Variants in ONECUT1 observed in about 807,000 individuals in gnomAD.
ONECUT1 encodes hepatocyte nuclear factor 6.
In ONECUT1, 12 loss-of-function variants were observed where a neutral mutation model predicts 25.6. That is an observed-to-expected ratio of 0.47 (90% confidence interval 0.30 to 0.76). ONECUT1 has a LOEUF of 0.76. Among genes scored for constraint, ONECUT1 ranks in the 30% least tolerant of loss-of-function variants. The pLI is 0.07. For synonymous variants in ONECUT1, 285 were observed against 270.2 expected, an observed-to-expected ratio of 1.05 and a Z score of -0.54; for missense variants, 620 against 651.2, an observed-to-expected ratio of 0.95 and a Z score of 0.52.
Position 52,789,408 on chromosome 15 carries a change from G to A in ONECUT1, c.477C>T (p.Ala159=), listed in dbSNP as rs760030448. ...FTLMRDERGL[A]SMNNLYTPYH... ...AGGGGGTATAGAGGTTATTCATGGA[G>A]GCCAGCCCGCGCTCATCCCGCATGA... The change falls in exon 1 of 2, where the codon GCC becomes GCT. Residue 159 remains alanine, a synonymous_variant. Transcript: ENST00000305901. The surrounding 1 kb of genome is among the most constrained non-coding windows in gnomAD (Gnocchi z 4.1). 3 of 1,613,962 alleles carry A rather than the reference G, an allele frequency of 1.9e-6. No individual in the cohort carries two copies. In the South Asian group the frequency reaches 3.3e-5, roughly 18 times the overall value.
chr15:52,759,777 A>ATT (rs772253068), intron 1 of ONECUT1, among the ~76,000 whole-genome samples: 14,394 of 148,832 alleles, frequency 0.097, 1,246 homozygotes, highest in African/African-American at 0.24. Flanking sequence ...ATTTTTTTGA[A>ATT]TTTTTTTTTT....
chr15:52,767,485 C>T (rs953183493), intron 1 of ONECUT1, among the ~76,000 whole-genome samples: 6 of 152,148 alleles, frequency 3.9e-5, no homozygotes, highest in Non-Finnish European at 5.9e-5. Context: ...GTCATTCACG[C>T]GCATGTGCAC....
Position 52,757,424 on chromosome 15 carries a change from G to C in ONECUT1, c.*131C>G. 9.5e-7 allele frequency: 1 copy of C among 1,050,272 alleles called. No individual in the cohort carries two copies. Among genetic ancestry groups the C allele is most frequent in the Non-Finnish European group, 1.4e-6 (1 of 737,566 alleles). The allele number at this position is 1,050,272 out of a possible 1,614,324, so 65.1% of individuals were successfully genotyped here. ...GGTGAGCTAAGTCTTTGGTTTCTTT[G>C]GACTATAAATAACGCTTTTTTTTCT... On this transcript the variant is annotated 3_prime_UTR_variant, in exon 2 of 2. Coordinates refer to ENST00000305901, the MANE Select transcript of ONECUT1 (RefSeq NM_004498.4).
chr15:52,762,024 T>G (rs944670191), intron 1 of ONECUT1, among the ~76,000 whole-genome samples: 1 of 152,158 alleles, frequency 6.6e-6, no homozygotes, highest in Non-Finnish European at 1.5e-5. Context: ...AATATAGACT[T>G]GGAAGTCATT....
chr15:52,789,319 C>T lies in ONECUT1; in HGVS notation c.566G>A (p.Ser189Asn). 6.4e-7 allele frequency: 1 copy of T among 1,571,506 alleles called. No homozygotes were observed. The highest frequency in any genetic ancestry group is 8.6e-7 in the Non-Finnish European group (1 of 1,157,152). ...GAGCCCTTGCTGGGAGTTGTGGATG[C>T]TGCCCAGACCGGAGCTGGAGAGGGG... ...LSPLSSSGLGSIHNSQQGLPH... is the reference protein window; with the variant it reads ...LSPLSSSGLGNIHNSQQGLPH... The change falls in exon 1 of 2, where the codon AGC becomes AAC. Residue 189 changes from serine to asparagine, a missense_variant. This residue lies in a region of ONECUT1 where 440 missense variants were observed against 404.9 expected (regional missense o/e 1.09). Transcript: ENST00000305901. The surrounding 1 kb of genome is among the most constrained non-coding windows in gnomAD (Gnocchi z 4.1).
At chr15:52,777,733 C>CAAAAAAAAAAAAAAAAAAA (rs1402130601) in intron 1 of ONECUT1, among the ~76,000 whole-genome samples, 3 of 85,252 alleles carry the variant, frequency 3.5e-5, no homozygotes, top group African/African-American at 2.3e-4. Flanking sequence ...CACACACACA[C>CAAAAAAAAAAAAAAAAAAA]ACACAAAAAA....
chr15:52,788,756 C>A lies in ONECUT1; in HGVS notation c.1105+24G>T. On this transcript the variant is annotated intron_variant, in intron 1 of 1. Transcript: ENST00000305901. This position sits in a 1 kb window ranked among gnomAD's most constrained non-coding sequence, Gnocchi z 4.3. ...GCTTTCGTGTACCTTATCTCCCGCG[C>A]GCCCAGCTCCTTGGCCGGCTCACCT... 6.3e-7 allele frequency: 1 copy of A among 1,589,714 alleles called. No individual in the cohort carries two copies.
In ONECUT1 at chr15:52,789,120, G is replaced by A. The variant is rs547041805; in HGVS notation, c.765C>T (p.His255=). 2 of 1,601,028 alleles carry A rather than the reference G, an allele frequency of 1.2e-6. No individual in the cohort carries two copies. Among genetic ancestry groups the A allele is most frequent in the African/African-American group, 1.3e-5 (1 of 75,060 alleles). Residue 255 remains histidine (H), a synonymous_variant, in exon 1 of 2, where the codon CAC becomes CAT. Transcript: ENST00000305901. The surrounding 1 kb of genome is among the most constrained non-coding windows in gnomAD (Gnocchi z 4.1). Reference sequence around the variant, plus strand: ...GTTGCCCGTGGCCCTGGGCGTTCAGGTGGGCGTGGGGATGGTGCGGAGGAA... The same window carrying A: ...GTTGCCCGTGGCCCTGGGCGTTCAGATGGGCGTGGGGATGGTGCGGAGGAA... The part of the protein sequence containing the change: ...NGLPPHHPHA[H]LNAQGHGQLL...
intron 1 of ONECUT1, among the ~76,000 whole-genome samples, chr15:52,760,366 G>A (rs1312584418): frequency 6.6e-6 from 1 of 152,142 alleles, no homozygotes; most frequent in Non-Finnish European, 1.5e-5. Flanking sequence ...GTCAGCCCGT[G>A]TGGACACAGC....
intron 1 of ONECUT1, chr15:52,780,470 G>T: frequency 1.1e-6 from 1 of 942,708 alleles, no homozygotes. Context: ...TGAGTCCTTA[G>T]TTAACCGCAT....
intron 1 of ONECUT1, chr15:52,780,638 T>C: frequency 1.3e-6 from 2 of 1,535,384 alleles, no homozygotes; most frequent in Non-Finnish European, 1.7e-6. Context: ...CTCGAATCGC[T>C]TTAGCCACTC....
chr15:52,769,635 G>C (rs948796512), intron 1 of ONECUT1, among the ~76,000 whole-genome samples: 2 of 152,232 alleles, frequency 1.3e-5, no homozygotes, highest in African/African-American at 4.8e-5. Flanking sequence ...CTCAGGGACA[G>C]GTAAGGAGCA....
intron 1 of ONECUT1, among the ~76,000 whole-genome samples, chr15:52,786,517 A>T (rs547948206): frequency 6.6e-6 from 1 of 152,380 alleles, no homozygotes; most frequent in South Asian, 2.1e-4. Flanking sequence ...CGAGGGCTGC[A>T]TGGACCTCTA....
In ONECUT1 at chr15:52,756,115, C is replaced by T. The variant is rs758668447; in HGVS notation, c.*1440G>A. Among the ~76,000 whole-genome samples the T allele has an allele frequency of 7.2e-5, 11 of 152,124 alleles. No individual in the cohort carries two copies. Among genetic ancestry groups the T allele is most frequent in the Admixed American group, 2.6e-4 (4 of 15,252 alleles). On this transcript the variant is annotated 3_prime_UTR_variant, in exon 2 of 2. Transcript: ENST00000305901. The stretch of plus-strand genomic sequence containing the variant: ...AATACCAATAGATCAAAAGTCTTGT[C>T]GTCCACCAGAACACTGGCTTTTTTC...
chr15:52,772,229 C>T (rs1029784170), intron 1 of ONECUT1, among the ~76,000 whole-genome samples: 6 of 151,946 alleles, frequency 3.9e-5, no homozygotes, highest in African/African-American at 1.5e-4. Flanking sequence ...CCCGTCTCTA[C>T]TAAAAATACA....
Position 52,784,908 on chromosome 15 carries a change from G to T in ONECUT1, c.1105+3872C>A, listed in dbSNP as rs534247795. Among the ~76,000 whole-genome samples, 1 of 152,330 alleles carries T rather than the reference G, an allele frequency of 6.6e-6. No individual in the cohort carries two copies. The highest frequency in any genetic ancestry group is 6.5e-5 in the Admixed American group (1 of 15,310). On this transcript the variant is annotated intron_variant, in intron 1 of 1. Coordinates refer to ENST00000305901, the MANE Select transcript of ONECUT1 (RefSeq NM_004498.4). This position sits in a 1 kb window ranked among gnomAD's most constrained non-coding sequence, Gnocchi z 5.0. ...GGCGCCCCTCGCCCCGGGCTCAGAG[G>T]CGGACACGGTCGGTCGCGCCCTGCT... is the stretch of plus-strand genomic sequence containing the variant.
chr15:52,789,024 C>A lies in ONECUT1; in HGVS notation c.861G>T (p.Gly287=), dbSNP rs2075613. Residue 287 remains glycine, a synonymous_variant, in exon 1 of 2, where the codon GGG becomes GGT. Transcript: ENST00000305901. The surrounding 1 kb of genome is among the most constrained non-coding windows in gnomAD (Gnocchi z 4.1). ...CTTTGGTATTGATCTCTTCCATCTG[C>A]CCTGAATTACTTCCATTGCTGACCT... The part of the protein sequence containing the change: ...GAQVSNGSNS[G]QMEEINTKEV... 15,418 of 1,607,374 alleles carry A rather than the reference C, an allele frequency of 9.6e-3. 537 individuals carry two copies. The East Asian group carries it at 0.12, about 12-fold the overall frequency.
At chr15:52,778,521 G>A (rs1466696519) in intron 1 of ONECUT1, among the ~76,000 whole-genome samples, 2 of 152,222 alleles carry the variant, frequency 1.3e-5, no homozygotes, top group Non-Finnish European at 2.9e-5. Flanking sequence ...TTTTTGTAGT[G>A]AAGGTGCCAA....
chr15:52,773,533 T>C (rs183933707), intron 1 of ONECUT1, among the ~76,000 whole-genome samples: 93 of 152,184 alleles, frequency 6.1e-4, no homozygotes, highest in Non-Finnish European at 1.1e-3. Context: ...TCTGAGAGGG[T>C]AGAAAACCAA....
Sources: gnomAD v4.1 joint callset for allele counts (sites outside exome capture counted in the v4.1 genomes callset) on GRCh38, gnomAD v4.1.1 for gene constraint, gnomAD v4.1.1 regional missense constraint, Gnocchi (gnomAD v3.1) non-coding constraint, MANE v1.5 for transcripts, NCBI Gene and HGNC (gene_info 2026-07-23, HGNC 2026-07-21) for gene names.